KDM4C: variants seen among roughly 807,000 people sequenced by gnomAD.
The protein encoded by KDM4C is lysine-specific demethylase 4C.
In KDM4C, 81 loss-of-function variants were observed where a neutral mutation model predicts 129.3. That is an observed-to-expected ratio of 0.63 (90% CI 0.52 to 0.75). The LOEUF (loss-of-function observed/expected upper bound fraction) is 0.75, where lower values mean the gene tolerates loss of function less well. KDM4C is among the 30% of genes least tolerant of loss of function. The pLI is 0.00. For missense variants in KDM4C, 1,457 were observed against 1,304.0 expected (o/e 1.12, Z -1.81); for synonymous variants, 573 against 456.1 (o/e 1.26, Z -3.26).
intron 12 of KDM4C, among the ~76,000 whole-genome samples, chr9:7,000,945 G>T (rs547847280): frequency 3.6e-4 from 54 of 151,930 alleles, no homozygotes; most frequent in African/African-American, 1.3e-3. Flanking sequence ...TCTTTGTTTT[G>T]CCGCTGGCCA....
intron 3 of KDM4C, among the ~76,000 whole-genome samples, chr9:6,813,702 C>A (rs908219582): frequency 6.6e-6 from 1 of 152,114 alleles, no homozygotes; most frequent in East Asian, 1.9e-4. Flanking sequence ...CCTAATAATA[C>A]AGAGAAGTAA....
At chr9:6,876,385 C>T (rs1183172519) in intron 5 of KDM4C, among the ~76,000 whole-genome samples, 3 of 152,088 alleles carry the variant, frequency 2.0e-5, no homozygotes, top group Non-Finnish European at 4.4e-5. Context: ...AAATATGACT[C>T]AGTCGATCTG....
chr9:7,065,991 C>CT (rs920957505), intron 17 of KDM4C, among the ~76,000 whole-genome samples: 10 of 93,354 alleles, frequency 1.1e-4, no homozygotes, highest in African/African-American at 3.4e-4. Flanking sequence ...GGGGTAACAG[C>CT]TTTAAAAAAA....
chr9:6,757,434 T>G (rs1818388686), upstream of KDM4C, among the ~76,000 whole-genome samples: 1 of 152,222 alleles, frequency 6.6e-6, no homozygotes. Flanking sequence ...GTTAAAGGGT[T>G]GGGACACGAA....
At chr9:6,891,397 A>C (rs1588959847) in intron 7 of KDM4C, among the ~76,000 whole-genome samples, 1 of 152,242 alleles carries the variant, frequency 6.6e-6, no homozygotes, top group Non-Finnish European at 1.5e-5. Context: ...TAAGTGGAAG[A>C]ATTCAGTAAC....
intron 17 of KDM4C, among the ~76,000 whole-genome samples, chr9:7,083,151 C>G (rs1293247942): frequency 6.6e-6 from 1 of 152,192 alleles, no homozygotes; most frequent in Non-Finnish European, 1.5e-5. Context: ...CCCATATACA[C>G]ATTGAGGTTG....
intron 6 of KDM4C, among the ~76,000 whole-genome samples, chr9:6,880,323 T>G (rs1451768637): frequency 1.3e-5 from 2 of 152,232 alleles, no homozygotes; most frequent in African/African-American, 2.4e-5. Context: ...GTGATTGCCC[T>G]TAATCTGTTT....
At chr9:6,808,706 AAAAAG>A (rs1830591942) in intron 3 of KDM4C, among the ~76,000 whole-genome samples, 1 of 151,358 alleles carries the variant, frequency 6.6e-6, no homozygotes, top group Non-Finnish European at 1.5e-5. Context: ...AAAAAAAAAA[AAAAAG>A]AAGTGGCACA....
intron 6 of KDM4C, among the ~76,000 whole-genome samples, chr9:6,883,662 A>T (rs965777448): frequency 6.6e-6 from 1 of 152,220 alleles, no homozygotes; most frequent in East Asian, 1.9e-4. Context: ...TTAACCGAGA[A>T]TGGAGAGGAA....
chr9:7,028,932 G>C (rs1826264546), intron 15 of KDM4C, among the ~76,000 whole-genome samples: 1 of 152,132 alleles, frequency 6.6e-6, no homozygotes, highest in South Asian at 2.1e-4. Context: ...GGCGGCGTTG[G>C]TGATTCAAGA....
At chr9:6,780,471 A>G (rs1009743768) in intron 1 of KDM4C, among the ~76,000 whole-genome samples, 9 of 151,898 alleles carry the variant, frequency 5.9e-5, no homozygotes, top group Non-Finnish European at 1.3e-4. Flanking sequence ...CCACAAAAAA[A>G]CGAAAGAGAA....
chr9:6,765,002 T>C (rs2130510909), intron 1 of KDM4C, among the ~76,000 whole-genome samples: 1 of 152,200 alleles, frequency 6.6e-6, no homozygotes, highest in East Asian at 1.9e-4. Context: ...TAACACCTTG[T>C]AACTTCTGCT....
chr9:7,100,634 T>C (rs978155584), intron 17 of KDM4C, among the ~76,000 whole-genome samples: 1 of 152,196 alleles, frequency 6.6e-6, no homozygotes, highest in Admixed American at 6.5e-5. Flanking sequence ...GCCACCACTC[T>C]CAGCCTAAAG....
At chr9:6,724,187 C>G (rs777059471) in intron 1 of KDM4C, among the ~76,000 whole-genome samples, 3 of 152,140 alleles carry the variant, frequency 2.0e-5, no homozygotes, top group African/African-American at 7.2e-5. Context: ...TTCTAATGAG[C>G]CTTTTCAGCT....
intron 12 of KDM4C, among the ~76,000 whole-genome samples, chr9:7,011,113 A>G (rs1217668545): frequency 6.6e-6 from 1 of 152,198 alleles, no homozygotes; most frequent in African/African-American, 2.4e-5. Context: ...GTATTTTATG[A>G]GAAGATCTGA....
At chr9:6,801,707 G>T (rs1829021162) in intron 2 of KDM4C, among the ~76,000 whole-genome samples, 1 of 150,816 alleles carries the variant, frequency 6.6e-6, no homozygotes, top group Non-Finnish European at 1.5e-5. Flanking sequence ...ATTCTCCTTG[G>T]ATATATAAAA....
upstream of KDM4C, among the ~76,000 whole-genome samples, chr9:6,755,302 C>T (rs1431585016): frequency 2.0e-5 from 3 of 151,956 alleles, no homozygotes; most frequent in African/African-American, 4.8e-5. Flanking sequence ...ACCCAGGAGG[C>T]GGAGGTTGCA....
chr9:7,169,998 T>TA (rs771386100), intron 21 of KDM4C, 108 bp downstream of exon 21: 33 of 1,566,812 alleles, frequency 2.1e-5, no homozygotes, highest in Admixed American at 5.6e-5. Flanking sequence ...GGATTAATTC[T>TA]AAAAAAAGCC....
intron 15 of KDM4C, among the ~76,000 whole-genome samples, chr9:7,021,202 A>G (rs555796431): frequency 4.0e-5 from 6 of 150,608 alleles, no homozygotes; most frequent in African/African-American, 1.2e-4. Flanking sequence ...CCCAGGCTGC[A>G]GTGCAGTGGC....
Sources: gnomAD v4.1 joint callset for allele counts (sites outside exome capture counted in the v4.1 genomes callset) on GRCh38, gnomAD v4.1.1 for gene constraint, MANE v1.5 for transcripts, NCBI Gene and HGNC (gene_info 2026-07-23, HGNC 2026-07-21) for gene names.